ANKFN1: variants seen among roughly 807,000 people sequenced by gnomAD.
ANKFN1 encodes ankyrin repeat and fibronectin type-III domain-containing protein 1.
In ANKFN1, 74 loss-of-function variants were observed where a neutral mutation model predicts 108.7. The observed-to-expected ratio is 0.68, with a 90% CI of 0.56 to 0.83. The LOEUF is 0.83. Among genes scored for constraint, ANKFN1 ranks in the 40% least tolerant of loss-of-function variants. The probability of loss-of-function intolerance (pLI) is 0.00; values close to 1 mark genes in which losing one functional copy is unlikely to be tolerated. For synonymous variants in ANKFN1, 547 were observed against 516.2 expected (o/e 1.06, Z -0.81); for missense variants, 1,505 against 1,382.3 (o/e 1.09, Z -1.41).
chr17:56,274,723 T>A (rs7211351), intron 3 of ANKFN1, among the ~76,000 whole-genome samples: 16,156 of 152,154 alleles, frequency 0.11, 1,138 homozygotes, highest in African/African-American at 0.2. Flanking sequence ...GCTGGCAATT[T>A]GCCTGGGTTT....
intron 4 of ANKFN1, among the ~76,000 whole-genome samples, chr17:56,345,467 C>T (rs2046073379): frequency 6.6e-6 from 1 of 152,150 alleles, no homozygotes; most frequent in African/African-American, 2.4e-5. Flanking sequence ...GGAATCACCA[C>T]ACTGTCTTTC....
At chr17:56,175,369 A>G (rs775439342) in intron 1 of ANKFN1, among the ~76,000 whole-genome samples, 2 of 152,240 alleles carry the variant, frequency 1.3e-5, no homozygotes, top group Non-Finnish European at 2.9e-5. Context: ...CAAAACACCT[A>G]GATATAACTG....
chr17:56,453,459 A>C (rs552407031), intron 11 of ANKFN1, among the ~76,000 whole-genome samples: 206 of 152,306 alleles, frequency 1.4e-3, no homozygotes, highest in African/African-American at 4.8e-3. Flanking sequence ...GTCTTCTCTC[A>C]ATATAATCAG....
At chr17:56,460,746 A>G (rs546087229) in intron 14 of ANKFN1, among the ~76,000 whole-genome samples, 339 of 150,430 alleles carry the variant, frequency 2.3e-3, no homozygotes, top group Non-Finnish European at 3.8e-3. Flanking sequence ...CTTCCCTCTC[A>G]TTTTTATTTT....
intron 4 of ANKFN1, among the ~76,000 whole-genome samples, chr17:56,095,586 G>A (rs969878224): frequency 7.1e-6 from 1 of 141,376 alleles, no homozygotes; most frequent in Admixed American, 7.0e-5. Flanking sequence ...ACAGGCAAGA[G>A]CCATCACATC....
At chr17:56,393,445 T>G (rs2047495164) in intron 8 of ANKFN1, among the ~76,000 whole-genome samples, 2 of 152,176 alleles carry the variant, frequency 1.3e-5, no homozygotes, top group Admixed American at 1.3e-4. Context: ...ACTCAGCACA[T>G]TAGACAACAT....
chr17:56,341,773 T>TA (rs2045966164), intron 4 of ANKFN1, among the ~76,000 whole-genome samples: 1 of 152,010 alleles, frequency 6.6e-6, no homozygotes, highest in East Asian at 1.9e-4. Flanking sequence ...TTTTTTTTTT[T>TA]ATTATAGCTC....
In ANKFN1 at chr17:56,055,303, A is replaced by G. The variant is rs573326770; in HGVS notation, c.288+8978A>G. ...TGTACCCATTGTTTAGTTCCCACTT[A>G]TAAGTGTGAACATATGAGATATTTG... On this transcript the variant is annotated intron_variant, in intron 4 of 12. Coordinates refer to the ANKFN1 transcript ENST00000635860. Among the ~76,000 whole-genome samples, 4 of 151,886 alleles carry G rather than the reference A, an allele frequency of 2.6e-5. No homozygotes were observed. In the South Asian group the frequency reaches 8.3e-4, roughly 31 times the overall value.
At chr17:56,283,524 G>GATATATATATATATATATAT (rs567333825) in intron 3 of ANKFN1, among the ~76,000 whole-genome samples, 33 of 141,598 alleles carry the variant, frequency 2.3e-4, no homozygotes, top group African/African-American at 8.4e-4. Context: ...AAGAAACTGT[G>GATATATATATATATATATAT]ATATATATAT....
chr17:56,284,526 G>A (rs996704797), intron 3 of ANKFN1, among the ~76,000 whole-genome samples: 4 of 151,860 alleles, frequency 2.6e-5, no homozygotes, highest in East Asian at 1.9e-4. Context: ...TAATAGAATC[G>A]CCCAGCATAG....
intron 8 of ANKFN1, among the ~76,000 whole-genome samples, chr17:56,379,300 G>A (rs1179203906): frequency 1.3e-5 from 2 of 152,020 alleles, no homozygotes; most frequent in East Asian, 3.9e-4. Context: ...TCAGGAGGCT[G>A]AGGCAGGAGA....
intron 3 of ANKFN1, among the ~76,000 whole-genome samples, chr17:56,237,813 G>C (rs1917268326): frequency 6.6e-6 from 1 of 151,568 alleles, no homozygotes; most frequent in Non-Finnish European, 1.5e-5. Context: ...CTTGTCTTCT[G>C]CTAGCTTTGG....
chr17:56,293,057 A>G (rs2044407189), intron 3 of ANKFN1, among the ~76,000 whole-genome samples: 2 of 152,212 alleles, frequency 1.3e-5, no homozygotes, highest in East Asian at 3.8e-4. Flanking sequence ...TTATTCATTC[A>G]GAAATTACTC....
At chr17:56,336,139 G>A (rs9898536) in intron 4 of ANKFN1, among the ~76,000 whole-genome samples, 12,024 of 152,120 alleles carry the variant, frequency 0.079, 768 homozygotes, top group African/African-American at 0.18. Context: ...GAGGATTTTC[G>A]CATCGATGTT....
intron 4 of ANKFN1, among the ~76,000 whole-genome samples, chr17:56,349,081 C>T (rs2046179924): frequency 6.6e-6 from 1 of 152,072 alleles, no homozygotes. Context: ...TTTGTAGGGA[C>T]ATGGATGAAG....
rs150152961 is a variant in ANKFN1, at chr17:56,164,476, C to G, written c.-71+10946C>G. ...AGGGTGGGGACTGTCTATCTCACCT[C>G]TTATTCTCCAGCCCGTAGCACAGTA... On this transcript the variant is annotated intron_variant, in intron 1 of 20. Transcript: ENST00000682825. Among the ~76,000 whole-genome samples, 243 of 152,248 alleles carry G rather than the reference C, an allele frequency of 1.6e-3. 1 individual carries two copies. The highest frequency in any genetic ancestry group is 5.7e-3 in the African/African-American group (236 of 41,536).
chr17:56,411,821 T>C (rs1390317509), intron 8 of ANKFN1, among the ~76,000 whole-genome samples: 1 of 152,196 alleles, frequency 6.6e-6, no homozygotes, highest in Admixed American at 6.5e-5. Context: ...AATCCCTTCA[T>C]ACCCCTGGAA....
At chr17:56,214,263 C>G (rs191210254) in intron 2 of ANKFN1, among the ~76,000 whole-genome samples, 1 of 152,086 alleles carries the variant, frequency 6.6e-6, no homozygotes, top group Non-Finnish European at 1.5e-5. Flanking sequence ...TTAGAGGAAC[C>G]AAATGTGCGT....
At chr17:56,064,308 A>G (rs1905026173) in intron 4 of ANKFN1, among the ~76,000 whole-genome samples, 1 of 152,202 alleles carries the variant, frequency 6.6e-6, no homozygotes, top group Non-Finnish European at 1.5e-5. Flanking sequence ...TGGGCTGCCC[A>G]TATTCCTCTG....
Sources: gnomAD v4.1 joint callset for allele counts (sites outside exome capture counted in the v4.1 genomes callset) on GRCh38, gnomAD v4.1.1 for gene constraint, MANE v1.5 for transcripts, NCBI Gene and HGNC (gene_info 2026-07-23, HGNC 2026-07-21) for gene names.